AFAP1: variants seen among roughly 807,000 people sequenced by gnomAD.
The protein encoded by AFAP1 is actin filament associated protein 1.
Under a neutral mutation model 93.9 loss-of-function variants are expected in AFAP1, and 75 were observed. The ratio of observed to expected loss-of-function variants is 0.80; its 90% confidence interval spans 0.66 to 0.97. AFAP1 has a LOEUF of 0.97. Among genes scored for constraint, AFAP1 ranks in the 50% least tolerant of loss-of-function variants. The pLI, the probability that AFAP1 is intolerant of heterozygous loss-of-function variation, is 0.00. For synonymous variants in AFAP1, 517 were observed against 430.7 expected, an observed-to-expected ratio of 1.20 and a Z score of -2.48; for missense variants, 1,201 against 1,050.8, an observed-to-expected ratio of 1.14 and a Z score of -1.98.
intron 4 of AFAP1, among the ~76,000 whole-genome samples, chr4:7,853,576 C>T (rs569261016): frequency 1.1e-4 from 17 of 152,284 alleles, no homozygotes; most frequent in South Asian, 2.1e-4. Context: ...AGAAACTGCC[C>T]GTGCTTCTTC....
rs1416713928 is a variant in AFAP1, at chr4:7,843,348, A to G, written c.337T>C (p.Tyr113His). Residue 113 changes from tyrosine to histidine, a missense_variant and splice_region_variant, in exon 5 of 18, where the codon TAT (tyrosine) becomes CAT (histidine). Tyr to His is a moderately conservative substitution (Grantham distance 83). Transcript: ENST00000420658. Reference protein sequence around the residue: ...GKAPEYITSNYDSDAMSSSYE... With the variant: ...GKAPEYITSNHDSDAMSSSYE... Reference sequence around the variant, plus strand: ...GAGCTGCTCATCGCATCGGAATCATAATCTGTAAAAAATAAACATACACTG... The same window carrying G: ...GAGCTGCTCATCGCATCGGAATCATGATCTGTAAAAAATAAACATACACTG... 6.2e-7 allele frequency: 1 copy of G among 1,610,736 alleles called. No homozygotes were observed.
At chr4:7,928,604 T>C (rs1577367077) in intron 1 of AFAP1, among the ~76,000 whole-genome samples, 1 of 152,172 alleles carries the variant, frequency 6.6e-6, no homozygotes, top group Non-Finnish European at 1.5e-5. Flanking sequence ...GCCAGGCTGG[T>C]CTCAAACTCC....
intron 5 of AFAP1, 48 bp from the exon 6 acceptor site, chr4:7,838,751 A>G: frequency 1.3e-6 from 2 of 1,589,442 alleles, no homozygotes; most frequent in Non-Finnish European, 1.7e-6. Context: ...GAGTTCGAAC[A>G]GAAACACTGA....
chr4:7,807,056 C>T (rs560593540), intron 9 of AFAP1, among the ~76,000 whole-genome samples: 1 of 152,238 alleles, frequency 6.6e-6, no homozygotes, highest in Admixed American at 6.5e-5. Context: ...TGTGTGGCTC[C>T]GAGCAAGCCA....
chr4:7,903,796 T>C (rs1719249140), intron 1 of AFAP1, among the ~76,000 whole-genome samples: 1 of 152,210 alleles, frequency 6.6e-6, no homozygotes, highest in African/African-American at 2.4e-5. Context: ...CCTGGATCCT[T>C]GTCCCTCACA....
intron 3 of AFAP1, among the ~76,000 whole-genome samples, chr4:7,863,547 G>A (rs1294757165): frequency 1.3e-5 from 2 of 152,198 alleles, no homozygotes; most frequent in Non-Finnish European, 2.9e-5. Flanking sequence ...AGATAAAGCA[G>A]AGTGTGAAAC....
At chr4:7,849,674 A>C (rs1714211223) in intron 4 of AFAP1, among the ~76,000 whole-genome samples, 1 of 152,188 alleles carries the variant, frequency 6.6e-6, no homozygotes, top group Non-Finnish European at 1.5e-5. Flanking sequence ...TAGCGTTTTC[A>C]GACTCACAAA....
At chr4:7,826,744 C>T (rs1174212654) in intron 6 of AFAP1, among the ~76,000 whole-genome samples, 1 of 152,134 alleles carries the variant, frequency 6.6e-6, no homozygotes, top group African/African-American at 2.4e-5. Context: ...CAACAACGTG[C>T]AGCCCCTCCC....
At chr4:7,795,403 ATCTTTTTTTTTTTT>A (rs1718306017) in intron 10 of AFAP1, among the ~76,000 whole-genome samples, 4 of 118,702 alleles carry the variant, frequency 3.4e-5, no homozygotes, top group Admixed American at 9.5e-5. Context: ...CTAAAACAAA[ATCTTTTTTTTTTTT>A]TTTTTTTTTT....
chr4:7,822,327 A>G (rs774108208), intron 6 of AFAP1, among the ~76,000 whole-genome samples: 1 of 152,202 alleles, frequency 6.6e-6, no homozygotes, highest in African/African-American at 2.4e-5. Flanking sequence ...TGTGAAAACT[A>G]AACGTTAAAA....
At chr4:7,850,511 T>C (rs4623000) in intron 4 of AFAP1, among the ~76,000 whole-genome samples, 119,750 of 152,246 alleles carry the variant, frequency 0.79, 47,438 homozygotes, top group East Asian at 0.94. Flanking sequence ...AAACAGCCAA[T>C]GAGCGTTGTA....
intron 1 of AFAP1, among the ~76,000 whole-genome samples, chr4:7,920,416 T>C (rs1042333041): frequency 2.6e-5 from 4 of 152,234 alleles, no homozygotes; most frequent in African/African-American, 9.6e-5. Context: ...ATAAAATTTG[T>C]AACTTCTAAT....
chr4:7,841,657 C>G (rs1577279997), intron 5 of AFAP1, among the ~76,000 whole-genome samples: 1 of 152,196 alleles, frequency 6.6e-6, no homozygotes, highest in African/African-American at 2.4e-5. Context: ...TGGGGGTCAT[C>G]TGGGCCCTGA....
chr4:7,833,589 CTTT>C (rs33990733), intron 6 of AFAP1, among the ~76,000 whole-genome samples: 3 of 131,784 alleles, frequency 2.3e-5, no homozygotes, highest in Non-Finnish European at 3.2e-5. Context: ...GTGGAGATGT[CTTT>C]TTTTTTTTTT....
At chr4:7,825,521 A>T (rs906488769) in intron 6 of AFAP1, among the ~76,000 whole-genome samples, 3 of 152,210 alleles carry the variant, frequency 2.0e-5, no homozygotes, top group African/African-American at 7.2e-5. Context: ...TCAAGACAGA[A>T]ATTAGAAAAT....
At chr4:7,866,855 C>T (rs542960525) in intron 3 of AFAP1, among the ~76,000 whole-genome samples, 7 of 149,484 alleles carry the variant, frequency 4.7e-5, no homozygotes, top group Non-Finnish European at 1.0e-4. Flanking sequence ...CACAGTGAGA[C>T]CCTTTCTCTA....
chr4:7,931,658 C>T (rs1051950914), intron 1 of AFAP1, among the ~76,000 whole-genome samples: 8 of 151,718 alleles, frequency 5.3e-5, no homozygotes, highest in Non-Finnish European at 7.4e-5. Flanking sequence ...GCTGGGATTA[C>T]GGGTGTGAGC....
intron 1 of AFAP1, among the ~76,000 whole-genome samples, chr4:7,927,057 G>A (rs1007280539): frequency 7.9e-5 from 12 of 152,304 alleles, no homozygotes; most frequent in African/African-American, 2.6e-4. Flanking sequence ...TCCCTTCCAC[G>A]TCTACCTTCC....
chr4:7,939,616 G>C lies in AFAP1; in HGVS notation c.-3+40C>G, dbSNP rs1721619902. 1 of 412,402 alleles carries C rather than the reference G, an allele frequency of 2.4e-6. No homozygotes were observed. The highest frequency in any genetic ancestry group is 1.7e-5 in the South Asian group (1 of 60,158). The allele number at this position is 412,402 out of a possible 1,614,324, so 25.5% of individuals were successfully genotyped here. ...TTCCACGCCCGGGGCAGAGACCCCCGCCGGGTCCGGAGACCCTGCCGCCAG... is the reference window on the plus strand; with the variant it reads ...TTCCACGCCCGGGGCAGAGACCCCCCCCGGGTCCGGAGACCCTGCCGCCAG... On this transcript the variant is annotated intron_variant, in intron 1 of 17. Coordinates refer to ENST00000420658, the MANE Select transcript of AFAP1 (RefSeq NM_001134647.2). This position sits in a 1 kb window ranked among gnomAD's most constrained non-coding sequence, Gnocchi z 5.6.
Sources: gnomAD v4.1 joint callset for allele counts (sites outside exome capture counted in the v4.1 genomes callset) on GRCh38, gnomAD v4.1.1 for gene constraint, Gnocchi (gnomAD v3.1) non-coding constraint, MANE v1.5 for transcripts, NCBI Gene and HGNC (gene_info 2026-07-23, HGNC 2026-07-21) for gene names.